Variants in SP100 observed in about 807,000 individuals in gnomAD.
The protein encoded by SP100 is nuclear autoantigen Sp-100.
SP100 carries 84 observed loss-of-function variants against 130.0 expected under a neutral mutation model. The observed-to-expected ratio is 0.65, with a 90% CI of 0.54 to 0.77. The LOEUF (loss-of-function observed/expected upper bound fraction) is 0.77, where lower values mean the gene tolerates loss of function less well. Ranked by LOEUF, SP100 falls within the 30% of genes least tolerant of loss-of-function variation. The pLI is 0.00. For synonymous variants in SP100, 331 were observed against 351.7 expected, an observed-to-expected ratio of 0.94 and a Z score of 0.66; for missense variants, 978 against 1,052.2, an observed-to-expected ratio of 0.93 and a Z score of 0.97.
At chr2:230,435,497 T>C (rs2063234127) in intron 2 of SP100, among the ~76,000 whole-genome samples, 1 of 152,220 alleles carries the variant, frequency 6.6e-6, no homozygotes, top group Non-Finnish European at 1.5e-5. Context: ...CTCAAATGTT[T>C]TTTGTCTGAC....
chr2:230,453,188 G>T (rs75426191), intron 8 of SP100, among the ~76,000 whole-genome samples: 72 of 152,108 alleles, frequency 4.7e-4, no homozygotes, highest in African/African-American at 1.7e-3. Context: ...CAGTGCAAAG[G>T]GGGGACAAGT....
At chr2:230,535,990 GGGCTTTGACTGAAAT>G (rs1434934173) in intron 24 of SP100, among the ~76,000 whole-genome samples, 1 of 151,144 alleles carries the variant, frequency 6.6e-6, no homozygotes, top group Non-Finnish European at 1.5e-5. Context: ...CATTTTCCCA[GGGCTTTGACTGAAAT>G]GGCCTTGTGA....
At chr2:230,476,339 G>C (rs73095067) in intron 17 of SP100, among the ~76,000 whole-genome samples, 2,016 of 152,224 alleles carry the variant, frequency 0.013, 57 homozygotes, top group African/African-American at 0.046. Context: ...TTCTCAGCTA[G>C]AACGTTTTTA....
At chr2:230,481,522 C>T (rs184463492) in intron 17 of SP100, among the ~76,000 whole-genome samples, 25 of 152,278 alleles carry the variant, frequency 1.6e-4, no homozygotes, top group East Asian at 9.6e-4. Context: ...GCCACTGCCC[C>T]GGCCCAAGCC....
chr2:230,433,288 T>C (rs942643177), intron 2 of SP100, among the ~76,000 whole-genome samples: 2 of 152,202 alleles, frequency 1.3e-5, no homozygotes, highest in African/African-American at 4.8e-5. Context: ...CTTGGCACTT[T>C]TGTTGAAAAT....
chr2:230,532,088 T>C (rs977796281), intron 24 of SP100, among the ~76,000 whole-genome samples: 2 of 152,120 alleles, frequency 1.3e-5, no homozygotes, highest in African/African-American at 4.8e-5. Flanking sequence ...ATTTTCTCTA[T>C]TTCTCTAAAC....
chr2:230,477,300 T>C (rs1394783878), intron 17 of SP100, among the ~76,000 whole-genome samples: 1 of 152,186 alleles, frequency 6.6e-6, no homozygotes, highest in Non-Finnish European at 1.5e-5. Flanking sequence ...TTTAGATTTG[T>C]TAAGGGAATC....
At chr2:230,449,462 T>G in intron 6 of SP100, 99 bp from the exon 7 acceptor site, 1 of 1,373,246 alleles carries the variant, frequency 7.3e-7, no homozygotes, top group Non-Finnish European at 1.0e-6. Context: ...CTTGGTGCCT[T>G]GACCTTACGT....
chr2:230,428,377 G>A (rs949370053), intron 2 of SP100, among the ~76,000 whole-genome samples: 5 of 152,172 alleles, frequency 3.3e-5, no homozygotes, highest in Admixed American at 1.3e-4. Flanking sequence ...GTGGAAGGGC[G>A]AAGGGGAAGC....
intron 24 of SP100, among the ~76,000 whole-genome samples, chr2:230,519,004 A>T (rs1691048048): frequency 6.6e-6 from 1 of 152,178 alleles, no homozygotes. Flanking sequence ...GAATCAGGTA[A>T]ATTTCACTAG....
chr2:230,497,510 AG>A, intron 18 of SP100, among the ~76,000 whole-genome samples: 1 of 21,858 alleles, frequency 4.6e-5, no homozygotes, highest in Admixed American at 4.9e-4. Flanking sequence ...AGGAGAGGAG[AG>A]GAGAGGAGAG....
chr2:230,443,459 A>T (rs944197078), intron 3 of SP100, among the ~76,000 whole-genome samples: 2 of 152,212 alleles, frequency 1.3e-5, no homozygotes, highest in African/African-American at 4.8e-5. Flanking sequence ...AATTTTAATG[A>T]AGTGATTTAC....
chr2:230,468,863 G>A, intron 13 of SP100, 180 bp from the exon 14 acceptor site: 1 of 406,318 alleles, frequency 2.5e-6, no homozygotes. Flanking sequence ...TGCAATTAGG[G>A]CTAAAGGATT....
chr2:230,470,304 A>G, intron 15 of SP100: 2 of 1,262,010 alleles, frequency 1.6e-6, no homozygotes, highest in South Asian at 4.9e-5. Flanking sequence ...TTCACTGACT[A>G]AATGTATGTA....
intron 24 of SP100, among the ~76,000 whole-genome samples, chr2:230,511,818 C>A (rs1186274793): frequency 6.6e-6 from 1 of 152,148 alleles, no homozygotes; most frequent in Non-Finnish European, 1.5e-5. Flanking sequence ...CAATGATGTA[C>A]AAACCTGATT....
At chr2:230,494,290 C>T (rs1054101783) in intron 17 of SP100, 126 bp from the exon 18 acceptor site, 10 of 727,668 alleles carry the variant, frequency 1.4e-5, no homozygotes, top group African/African-American at 3.6e-5. Context: ...TGTTGGTGGC[C>T]GAGGACTTAG....
chr2:230,430,988 C>T (rs984705285), intron 2 of SP100, among the ~76,000 whole-genome samples: 7 of 152,350 alleles, frequency 4.6e-5, no homozygotes, highest in African/African-American at 1.7e-4. Context: ...TCAGGCAAGA[C>T]AGAAACCTAA....
rs777737363 is a variant in SP100 at position 230,541,913 on chromosome 2, C to T, written c.2425C>T (p.Pro809Ser). The T allele has an allele frequency of 1.9e-6, 3 of 1,613,942 alleles. No individual in the cohort carries two copies. The highest frequency in any genetic ancestry group is 2.5e-6 in the Non-Finnish European group (3 of 1,179,956). Reference sequence around the variant, plus strand: ...ACAGAACAGAGAGGGGTCTCAGGGCCCACAGAAGCCCATGTGGTTAAACAA... The same window carrying T: ...ACAGAACAGAGAGGGGTCTCAGGGCTCACAGAAGCCCATGTGGTTAAACAA... ...PYYNREGSQG[P>S]QKPMWLNKVK... Residue 809 changes from proline to serine, a missense_variant, in exon 28 of 29, where the codon CCA (proline) becomes TCA (serine). Pro to Ser is a moderately conservative substitution (Grantham distance 74, BLOSUM62 -1). Coordinates refer to ENST00000340126, the MANE Select transcript of SP100 (RefSeq NM_001080391.2).
intron 1 of SP100, 34 bp downstream of exon 1, chr2:230,416,362 C>G: frequency 6.3e-7 from 1 of 1,597,890 alleles, no homozygotes. Context: ...TAACCTTTAT[C>G]TCTGGCTATA....
Sources: gnomAD v4.1 joint callset for allele counts (sites outside exome capture counted in the v4.1 genomes callset) on GRCh38, gnomAD v4.1.1 for gene constraint, MANE v1.5 for transcripts, NCBI Gene and HGNC (gene_info 2026-07-23, HGNC 2026-07-21) for gene names.